AFF3: variants seen among roughly 807,000 people sequenced by gnomAD.
The protein encoded by AFF3 is ALF transcription elongation factor 3.
AFF3 carries 32 observed loss-of-function variants against 129.7 expected under a neutral mutation model. The ratio of observed to expected loss-of-function variants is 0.25; its 90% CI spans 0.19 to 0.33. The LOEUF is 0.33. Ranked by LOEUF, AFF3 falls within the 10% of genes least tolerant of loss-of-function variation. AFF3 has a pLI of 1.00. For missense variants in AFF3, 1,373 were observed against 1,592.0 expected (o/e 0.86, Z 2.34); for synonymous variants, 644 against 635.4 (o/e 1.01, Z -0.20).
At chr2:99,992,521 G>A (rs796196287) in intron 7 of AFF3, among the ~76,000 whole-genome samples, 2 of 152,208 alleles carry the variant, frequency 1.3e-5, no homozygotes, top group African/African-American at 4.8e-5. Flanking sequence ...ACTGATGTGG[G>A]GCACAATTAT....
chr2:100,015,277 A>G (rs557431105), intron 4 of AFF3, among the ~76,000 whole-genome samples: 1 of 152,284 alleles, frequency 6.6e-6, no homozygotes, highest in South Asian at 2.1e-4. Context: ...GACACAGAGA[A>G]ACACTCTCCC....
At chr2:99,573,750 G>C (rs1040436642) in intron 18 of AFF3, among the ~76,000 whole-genome samples, 3 of 152,190 alleles carry the variant, frequency 2.0e-5, no homozygotes, top group African/African-American at 7.2e-5. Context: ...GGGAGGTTCA[G>C]GTAGCCGGGC....
At chr2:99,744,455 T>A (rs1558808272) in intron 9 of AFF3, among the ~76,000 whole-genome samples, 1 of 152,228 alleles carries the variant, frequency 6.6e-6, no homozygotes. Context: ...CATAAGGTTG[T>A]GCAACCACTA....
intron 2 of AFF3, among the ~76,000 whole-genome samples, chr2:100,119,917 C>T (rs1438954963): frequency 2.6e-5 from 4 of 152,194 alleles, no homozygotes; most frequent in Admixed American, 1.3e-4. Flanking sequence ...TTAACAGAAT[C>T]GCTCTGTTAG....
intron 4 of AFF3, among the ~76,000 whole-genome samples, chr2:100,020,594 G>A (rs17437248): frequency 0.088 from 13,383 of 152,120 alleles, 861 homozygotes; most frequent in Non-Finnish European, 0.13. Context: ...TCAGCAGACC[G>A]CAGCACTACC....
At chr2:100,011,891 A>G (rs1237990244) in intron 4 of AFF3, among the ~76,000 whole-genome samples, 1 of 152,200 alleles carries the variant, frequency 6.6e-6, no homozygotes, top group Non-Finnish European at 1.5e-5. Context: ...GTTATGAGTC[A>G]TGTCCTACTC....
chr2:99,613,104 T>C (rs942888601), intron 13 of AFF3, among the ~76,000 whole-genome samples: 1 of 152,246 alleles, frequency 6.6e-6, no homozygotes, highest in Non-Finnish European at 1.5e-5. Flanking sequence ...TGACTATTCA[T>C]GTATTACTGA....
intron 8 of AFF3, among the ~76,000 whole-genome samples, chr2:99,784,107 T>C (rs1454615948): frequency 6.6e-6 from 1 of 152,222 alleles, no homozygotes; most frequent in Non-Finnish European, 1.5e-5. Flanking sequence ...CCCTTGCCAG[T>C]GGCTCTAGCA....
intron 7 of AFF3, among the ~76,000 whole-genome samples, chr2:99,947,920 A>C (rs1675790139): frequency 6.6e-6 from 1 of 152,174 alleles, no homozygotes; most frequent in South Asian, 2.1e-4. Flanking sequence ...GGTTGAAGGG[A>C]TGAATCAGAA....
intron 7 of AFF3, among the ~76,000 whole-genome samples, chr2:99,997,258 T>G (rs1325762292): frequency 1.3e-5 from 2 of 152,188 alleles, no homozygotes; most frequent in East Asian, 3.9e-4. Context: ...AGTGAGTAAG[T>G]AAACTCTTGC....
chr2:99,979,250 T>C (rs1679176345), intron 7 of AFF3, among the ~76,000 whole-genome samples: 2 of 152,070 alleles, frequency 1.3e-5, no homozygotes, highest in Non-Finnish European at 2.9e-5. Context: ...CTGCTTTTTT[T>C]CCCAAGGGAA....
chr2:99,891,828 A>G (rs76331683), intron 7 of AFF3, among the ~76,000 whole-genome samples: 1 of 147,024 alleles, frequency 6.8e-6, no homozygotes, highest in Non-Finnish European at 1.5e-5. Flanking sequence ...CCACCAGCAC[A>G]TTTTTTTTTT....
intron 13 of AFF3, among the ~76,000 whole-genome samples, chr2:99,616,129 A>AG (rs1197820734): frequency 6.6e-6 from 1 of 152,172 alleles, no homozygotes; most frequent in Admixed American, 6.5e-5. Context: ...ACTGTGAGGA[A>AG]CACCTCTTTT....
At chr2:100,099,794 AAAAAAAG>A (rs1279744247) in intron 4 of AFF3, among the ~76,000 whole-genome samples, 1 of 152,186 alleles carries the variant, frequency 6.6e-6, no homozygotes. Flanking sequence ...GGAAATTCTA[AAAAAAAG>A]AAAAAAGAGA....
At chr2:99,624,993 C>A (rs371304489) in intron 13 of AFF3, among the ~76,000 whole-genome samples, 1 of 152,138 alleles carries the variant, frequency 6.6e-6, no homozygotes, top group African/African-American at 2.4e-5. Flanking sequence ...TACAGTCTCT[C>A]GTGGAAAATC....
At chr2:99,678,634 T>C (rs1674232868) in intron 11 of AFF3, among the ~76,000 whole-genome samples, 1 of 152,270 alleles carries the variant, frequency 6.6e-6, no homozygotes, top group African/African-American at 2.4e-5. Flanking sequence ...TGTTTGATTT[T>C]CAGATTTGTT....
rs962790375 is a variant in AFF3 at position 99,672,739 on chromosome 2, A to C, written c.1092-150T>G. On this transcript the variant is annotated intron_variant, in intron 11 of 24. Coordinates refer to ENST00000672756, the MANE Select transcript of AFF3 (RefSeq NM_001386135.1). ...TTCCTATTTTTTTTCTTTCCTTCTT[A>C]TGCACTTTTCCTCTGGTGCACTTAG... 4 of 752,910 alleles carry C rather than the reference A, an allele frequency of 5.3e-6. No individual in the cohort carries two copies. In the South Asian group the frequency reaches 7.5e-5, roughly 14 times the overall value. The allele number at this position is 752,910 out of a possible 1,614,324, so 46.6% of individuals were successfully genotyped here. A position where few individuals can be genotyped will look rare whatever the true frequency, so the allele number is the denominator to read the frequency against.
At chr2:99,624,569 C>T (rs963044136) in intron 13 of AFF3, among the ~76,000 whole-genome samples, 7 of 152,130 alleles carry the variant, frequency 4.6e-5, no homozygotes, top group Admixed American at 3.9e-4. Context: ...ATAAGAGCCT[C>T]GCAGTCCAAT....
At chr2:99,877,388 G>A (rs1170851879) in intron 7 of AFF3, among the ~76,000 whole-genome samples, 1 of 152,190 alleles carries the variant, frequency 6.6e-6, no homozygotes, top group Non-Finnish European at 1.5e-5. Context: ...ACCACCTGCT[G>A]TGATGGGGAC....
Sources: gnomAD v4.1 joint callset for allele counts (sites outside exome capture counted in the v4.1 genomes callset) on GRCh38, gnomAD v4.1.1 for gene constraint, MANE v1.5 for transcripts, NCBI Gene and HGNC (gene_info 2026-07-23, HGNC 2026-07-21) for gene names.